GRM8: variants seen among roughly 807,000 people sequenced by gnomAD.
GRM8 encodes metabotropic glutamate receptor 8.
Under a neutral mutation model 87.2 loss-of-function variants are expected in GRM8, and 47 were observed. That is an observed-to-expected ratio of 0.54 (90% CI 0.43 to 0.69). The LOEUF (loss-of-function observed/expected upper bound fraction) is 0.69, where lower values mean the gene tolerates loss of function less well. Ranked by LOEUF, GRM8 falls within the 30% of genes least tolerant of loss-of-function variation. The pLI, the probability that GRM8 is intolerant of heterozygous loss-of-function variation, is 0.00. For missense variants in GRM8, 1,019 were observed against 1,139.2 expected (o/e 0.89, Z 1.52); for synonymous variants, 396 against 404.5 (o/e 0.98, Z 0.25).
chr7:126,717,875 G>A lies in GRM8; in HGVS notation c.1357+51990C>T, dbSNP rs140550328. 2.8e-3 allele frequency among the ~76,000 whole-genome samples: 426 copies of A among 150,762 alleles called. 6 individuals carry two copies. The highest frequency in any genetic ancestry group is 9.8e-3 in the African/African-American group (405 of 41,394). ...ATCTAAACTCTTTGCTTATTTCTAG[G>A]AGTAACTCTTTCATAAGTACATAGT... is the stretch of plus-strand genomic sequence containing the variant. On this transcript the variant is annotated intron_variant, in intron 7 of 10. Coordinates refer to ENST00000339582, the MANE Select transcript of GRM8 (RefSeq NM_000845.3).
In GRM8 at chr7:127,124,742, G is replaced by A. The variant is rs544828949; in HGVS notation, c.511-18030C>T. On this transcript the variant is annotated intron_variant, in intron 2 of 10. Coordinates refer to ENST00000339582, the MANE Select transcript of GRM8 (RefSeq NM_000845.3). The stretch of plus-strand genomic sequence containing the variant: ...ATCAGAACTGATTGCACAGACTTGC[G>A]CTTCTGGCCAAAACGAAATAACTGG... Among the ~76,000 whole-genome samples the A allele has an allele frequency of 8.5e-5, 13 of 152,088 alleles. 1 individual carries two copies. The highest frequency in any genetic ancestry group is 8.3e-4 in the South Asian group (4 of 4,814).
In GRM8 at chr7:127,105,204, T is replaced by A. The variant is rs191695240; in HGVS notation, c.727+1292A>T. ...AAGAAGATAATATAATTTGTCATAA[T>A]TTAAAGACCAATTGAATGTTTTGAA... On this transcript the variant is annotated intron_variant, in intron 3 of 10. Transcript: ENST00000339582. The A allele has an allele frequency of 1.4e-4, 22 of 152,336 alleles. No homozygotes were observed. In the East Asian group the frequency reaches 4.2e-3, roughly 29 times the overall value. The allele number at this position is 152,336 out of a possible 1,614,324, so 9.4% of individuals were successfully genotyped here.
chr7:126,601,506 C>A (rs1797765820), intron 8 of GRM8, among the ~76,000 whole-genome samples: 1 of 152,034 alleles, frequency 6.6e-6, no homozygotes, highest in South Asian at 2.1e-4. Context: ...GGAATCGCCA[C>A]ACTGACTTCC....
chr7:127,053,683 G>GCACTGAGTACTC (rs1819696593), intron 3 of GRM8, among the ~76,000 whole-genome samples: 4 of 150,816 alleles, frequency 2.7e-5, no homozygotes, highest in Admixed American at 6.6e-5. Context: ...AGCTACTCAG[G>GCACTGAGTACTC]AGGCTGAGGC....
At chr7:126,445,500 T>C (rs1255142652) in intron 10 of GRM8, 3 of 152,426 alleles carry the variant, frequency 2.0e-5, no homozygotes, top group African/African-American at 7.2e-5. Flanking sequence ...GAAAGGTGGT[T>C]GTAGAAAAGA....
chr7:126,666,041 G>T (rs1367801880), intron 7 of GRM8, among the ~76,000 whole-genome samples: 1 of 152,008 alleles, frequency 6.6e-6, no homozygotes, highest in Non-Finnish European at 1.5e-5. Context: ...ACATGTCATG[G>T]GATTTCTGTA....
At chr7:126,446,753 A>G (rs2150467292) in intron 9 of GRM8, among the ~76,000 whole-genome samples, 1 of 152,128 alleles carries the variant, frequency 6.6e-6, no homozygotes, top group African/African-American at 2.4e-5. Context: ...TTATTGTAGC[A>G]ATAAGTTTAA....
intron 7 of GRM8, among the ~76,000 whole-genome samples, chr7:126,638,911 C>A (rs1003652709): frequency 1.2e-4 from 19 of 152,144 alleles, no homozygotes; most frequent in Non-Finnish European, 2.5e-4. Flanking sequence ...GCCTTCTGGG[C>A]ACCCCACTGC....
At chr7:126,479,057 T>C (rs1806343722) in intron 9 of GRM8, among the ~76,000 whole-genome samples, 1 of 152,064 alleles carries the variant, frequency 6.6e-6, no homozygotes. Context: ...TAACTTTCTT[T>C]TGCTTGAAAT....
chr7:127,252,839 C>A lies in GRM8; in HGVS notation c.-354G>T, dbSNP rs561427138. The A allele has an allele frequency of 9.0e-5, 19 of 211,708 alleles. No homozygotes were observed. The highest frequency in any genetic ancestry group is 1.3e-4 in the Admixed American group (2 of 15,732). The allele number at this position is 211,708 out of a possible 1,614,324, so 13.1% of individuals were successfully genotyped here. A position where few individuals can be genotyped will look rare whatever the true frequency, so the allele number is the denominator to read the frequency against. ...GCGCGGTGAGGAAGCCCGCCGGGGG[C>A]CCGCAGCTCCATGTCAGCGCCGCCG... On this transcript the variant is annotated 5_prime_UTR_variant, in exon 1 of 11. Transcript: ENST00000339582. The surrounding 1 kb of genome is among the most constrained non-coding windows in gnomAD (Gnocchi z 4.9).
chr7:126,487,027 TTCAACAGTAATTACCATA>T (rs1807449418), intron 9 of GRM8, among the ~76,000 whole-genome samples: 1 of 152,088 alleles, frequency 6.6e-6, no homozygotes, highest in African/African-American at 2.4e-5. Flanking sequence ...AGTGCTCTGT[TTCAACAGTAATTACCATA>T]TCAATTTATC....
At chr7:127,159,038 C>T (rs1457945715) in intron 2 of GRM8, among the ~76,000 whole-genome samples, 4 of 152,182 alleles carry the variant, frequency 2.6e-5, no homozygotes, top group South Asian at 2.1e-4. Context: ...ATGGAAATTA[C>T]GCTGATGCAT....
At chr7:127,121,126 A>C (rs562740114) in intron 2 of GRM8, among the ~76,000 whole-genome samples, 9 of 152,370 alleles carry the variant, frequency 5.9e-5, no homozygotes, top group African/African-American at 2.2e-4. Flanking sequence ...AGGATAATTT[A>C]GTAAGATATT....
At chr7:126,841,542 C>T (rs1156701017) in intron 6 of GRM8, among the ~76,000 whole-genome samples, 1 of 151,906 alleles carries the variant, frequency 6.6e-6, no homozygotes, top group Admixed American at 6.6e-5. Flanking sequence ...AACATAGATC[C>T]CAAGACAGAA....
At chr7:127,207,377 T>C (rs758174773) in intron 2 of GRM8, among the ~76,000 whole-genome samples, 2 of 152,178 alleles carry the variant, frequency 1.3e-5, no homozygotes, top group Non-Finnish European at 2.9e-5. Flanking sequence ...ATGAAATTTT[T>C]ATTAAAACAC....
chr7:126,884,084 T>C (rs1038375366), intron 6 of GRM8, among the ~76,000 whole-genome samples: 3 of 152,072 alleles, frequency 2.0e-5, no homozygotes, highest in African/African-American at 7.2e-5. Flanking sequence ...TTTCTATTAG[T>C]TCCCTAGGAT....
chr7:126,799,509 G>A (rs1315195076), intron 6 of GRM8, among the ~76,000 whole-genome samples: 2 of 152,060 alleles, frequency 1.3e-5, no homozygotes, highest in African/African-American at 2.4e-5. Flanking sequence ...TCAGACAACC[G>A]ATTTTAAACA....
chr7:126,991,374 A>G (rs962277986), intron 3 of GRM8, among the ~76,000 whole-genome samples: 25 of 152,208 alleles, frequency 1.6e-4, no homozygotes, highest in African/African-American at 5.5e-4. Context: ...TCTCTTTAGC[A>G]GCTTATCTTA....
intron 6 of GRM8, among the ~76,000 whole-genome samples, chr7:126,816,334 G>A (rs1367635886): frequency 6.6e-6 from 1 of 152,120 alleles, no homozygotes; most frequent in Non-Finnish European, 1.5e-5. Flanking sequence ...AAGTGCAAGT[G>A]ATGGTATGTG....
Sources: gnomAD v4.1 joint callset for allele counts (sites outside exome capture counted in the v4.1 genomes callset) on GRCh38, gnomAD v4.1.1 for gene constraint, Gnocchi (gnomAD v3.1) non-coding constraint, MANE v1.5 for transcripts, NCBI Gene and HGNC (gene_info 2026-07-23, HGNC 2026-07-21) for gene names.